The following MYT1L variants were observed in gnomAD, a reference collection of about 807,000 sequenced individuals.
The protein encoded by MYT1L is myelin transcription factor 1-like protein.
A neutral mutation model predicts 126.7 loss-of-function variants in MYT1L; 12 were observed. The ratio of observed to expected loss-of-function variants is 0.09; its 90% CI spans 0.06 to 0.15. MYT1L has a LOEUF of 0.15. Among genes scored for constraint, MYT1L ranks in the 10% least tolerant of loss-of-function variants. MYT1L has a pLI of 1.00. For missense variants in MYT1L, 979 were observed against 1,585.2 expected, an observed-to-expected ratio of 0.62 and a Z score of 6.49; for synonymous variants, 541 against 604.2, an observed-to-expected ratio of 0.90 and a Z score of 1.53.
At chr2:2,269,720 C>T (rs575289682) in intron 2 of MYT1L, among the ~76,000 whole-genome samples, 4 of 152,274 alleles carry the variant, frequency 2.6e-5, no homozygotes, top group African/African-American at 9.6e-5. Flanking sequence ...TATCAAGGCT[C>T]TCACGTCTTG....
At chr2:2,330,023 A>G (rs568171933) in intron 1 of MYT1L, among the ~76,000 whole-genome samples, 1 of 152,018 alleles carries the variant, frequency 6.6e-6, no homozygotes, top group Non-Finnish European at 1.5e-5. Flanking sequence ...TTTAAAAATA[A>G]TTACATTTTT....
Position 1,979,787 on chromosome 2 carries a change from G to T in MYT1L, c.1-10C>A. The T allele has an allele frequency of 6.2e-7, 1 of 1,613,822 alleles. No individual in the cohort carries two copies. Among genetic ancestry groups the T allele is most frequent in the Non-Finnish European group, 8.5e-7 (1 of 1,179,864 alleles). ...CGGTGTCCACCTCCATCTGGGGATA[G>T]ATTAGCAGCCATCAATGTGCTTATC... On this transcript the variant is annotated splice_polypyrimidine_tract_variant and intron_variant, in intron 5 of 24. Transcript: ENST00000647738. The surrounding 1 kb of genome is among the most constrained non-coding windows in gnomAD (Gnocchi z 4.0).
At chr2:2,109,462 C>T (rs1247064002) in intron 3 of MYT1L, among the ~76,000 whole-genome samples, 4 of 152,008 alleles carry the variant, frequency 2.6e-5, no homozygotes, top group South Asian at 2.1e-4. Context: ...GATGGAATGT[C>T]GCAGCACAAG....
At chr2:2,026,558 C>T (rs973381765) in intron 4 of MYT1L, among the ~76,000 whole-genome samples, 7 of 152,226 alleles carry the variant, frequency 4.6e-5, no homozygotes, top group Non-Finnish European at 8.8e-5. Context: ...AAGCTCAGTG[C>T]GTTAGTAAGA....
chr2:1,999,715 G>T (rs886620213), intron 4 of MYT1L, among the ~76,000 whole-genome samples: 2 of 152,106 alleles, frequency 1.3e-5, no homozygotes, highest in South Asian at 4.1e-4. Context: ...CATATGTGGG[G>T]TGTTTGTCTT....
At chr2:2,015,430 C>T (rs759379362) in intron 4 of MYT1L, among the ~76,000 whole-genome samples, 1 of 152,192 alleles carries the variant, frequency 6.6e-6, no homozygotes, top group Non-Finnish European at 1.5e-5. Flanking sequence ...GCAGCTCCTC[C>T]CGCAGCTGGA....
intron 1 of MYT1L, among the ~76,000 whole-genome samples, chr2:2,321,462 C>T (rs10195351): frequency 0.22 from 33,380 of 151,978 alleles, 3,958 homozygotes; most frequent in South Asian, 0.29. Flanking sequence ...TGGTGGAATT[C>T]GTGCACCAGG....
chr2:2,168,768 C>A (rs1247736734), intron 3 of MYT1L, among the ~76,000 whole-genome samples: 1 of 152,176 alleles, frequency 6.6e-6, no homozygotes, highest in African/African-American at 2.4e-5. Flanking sequence ...GTTTGTGCTT[C>A]TGCTACCTGA....
chr2:2,250,621 AG>A (rs1471345590), intron 2 of MYT1L, among the ~76,000 whole-genome samples: 1 of 151,930 alleles, frequency 6.6e-6, no homozygotes, highest in Non-Finnish European at 1.5e-5. Context: ...AAGAGACTAT[AG>A]TCAATAATAA....
chr2:2,216,582 A>C (rs2093683518), intron 2 of MYT1L, among the ~76,000 whole-genome samples: 1 of 152,204 alleles, frequency 6.6e-6, no homozygotes, highest in Non-Finnish European at 1.5e-5. Flanking sequence ...AGTATCAATG[A>C]CTTCAGCTTC....
chr2:2,022,687 C>T (rs2065153426), intron 4 of MYT1L, among the ~76,000 whole-genome samples: 1 of 151,336 alleles, frequency 6.6e-6, no homozygotes, highest in Admixed American at 6.6e-5. Flanking sequence ...TTTTAATACA[C>T]TTCCATTCCT....
rs1396702791 is a variant in MYT1L at position 1,922,116 on chromosome 2, A to C, written c.1483+170T>G. ...TATGTATTTCTCAGACAAATATTTT[A>C]TTTGCTTGTCAGAAACGTAATCACA... On this transcript the variant is annotated intron_variant, in intron 10 of 24. Transcript: ENST00000647738. This position sits in a 1 kb window ranked among gnomAD's most constrained non-coding sequence, Gnocchi z 7.4. Among the ~76,000 whole-genome samples the C allele has an allele frequency of 1.3e-5, 2 of 152,124 alleles. No homozygotes were observed. Among genetic ancestry groups the C allele is most frequent in the Non-Finnish European group, 2.9e-5 (2 of 68,008 alleles).
intron 19 of MYT1L, among the ~76,000 whole-genome samples, chr2:1,850,335 T>C (rs906864451): frequency 6.6e-6 from 1 of 152,022 alleles, no homozygotes; most frequent in Non-Finnish European, 1.5e-5. Flanking sequence ...GCGTACTTTA[T>C]AAGCTAAAAT....
chr2:2,311,840 G>A (rs7588535), intron 1 of MYT1L, among the ~76,000 whole-genome samples: 32,389 of 152,234 alleles, frequency 0.21, 3,800 homozygotes, highest in South Asian at 0.29. Flanking sequence ...GAACATAAAT[G>A]AGGTAGTGTC....
At chr2:2,261,715 G>T (rs193067761) in intron 2 of MYT1L, among the ~76,000 whole-genome samples, 172 of 152,138 alleles carry the variant, frequency 1.1e-3, no homozygotes, top group African/African-American at 4.0e-3. Context: ...GAGATCTTCA[G>T]ACCATTAAAA....
chr2:2,252,010 G>A (rs1309916459), intron 2 of MYT1L, among the ~76,000 whole-genome samples: 1 of 152,134 alleles, frequency 6.6e-6, no homozygotes, highest in East Asian at 1.9e-4. Flanking sequence ...TATAAAAGAT[G>A]AAATGAGATT....
intron 8 of MYT1L, among the ~76,000 whole-genome samples, chr2:1,969,151 A>C (rs1053869259): frequency 1.3e-5 from 2 of 152,144 alleles, no homozygotes; most frequent in East Asian, 3.9e-4. Context: ...CTCCAGCACC[A>C]CTGGCTTTTT....
intron 4 of MYT1L, among the ~76,000 whole-genome samples, chr2:2,031,595 C>T (rs1357415725): frequency 7.2e-6 from 1 of 138,208 alleles, no homozygotes; most frequent in African/African-American, 2.8e-5. Context: ...CTCGCCAGTG[C>T]CTCTCATCCT....
At chr2:2,242,204 G>T (rs1257476319) in intron 2 of MYT1L, among the ~76,000 whole-genome samples, 2 of 152,190 alleles carry the variant, frequency 1.3e-5, no homozygotes, top group East Asian at 1.9e-4. Context: ...TCCTAAAAAT[G>T]AGTCCATGAG....
Sources: allele counts gnomAD v4.1 joint callset (sites outside exome capture counted in the v4.1 genomes callset), GRCh38; gene constraint gnomAD v4.1.1; non-coding constraint Gnocchi (gnomAD v3.1); transcripts MANE v1.5; gene names NCBI Gene and HGNC (gene_info 2026-07-23, HGNC 2026-07-21).